MMP2: variants seen among roughly 807,000 people sequenced by gnomAD.
MMP2 encodes 72 kDa type IV collagenase.
MMP2 carries 39 observed loss-of-function variants against 74.8 expected under a neutral mutation model. The observed-to-expected ratio is 0.52, with a 90% confidence interval of 0.40 to 0.68. The LOEUF (loss-of-function observed/expected upper bound fraction) is 0.68. Among genes scored for constraint, MMP2 ranks in the 30% least tolerant of loss-of-function variants. MMP2 has a pLI of 0.00. For synonymous variants in MMP2, 367 were observed against 339.8 expected, an observed-to-expected ratio of 1.08 and a Z score of -0.88; for missense variants, 803 against 878.3, an observed-to-expected ratio of 0.91 and a Z score of 1.08.
rs139510259 is a variant in MMP2 at position 55,485,069 on chromosome 16, G to A, written c.530-230G>A. Among the ~76,000 whole-genome samples the A allele has an allele frequency of 3.8e-3, 581 of 152,184 alleles. 4 individuals are homozygous for A. The highest frequency in any genetic ancestry group is 0.013 in the African/African-American group (533 of 41,508). On this transcript the variant is annotated intron_variant, in intron 3 of 12. Transcript: ENST00000219070. ...GTAGACAATGGAGGTAGAGGGTATG[G>A]ATACTGGGAGTCATGTAAACCTGGG...
Position 55,479,493 on chromosome 16 carries a change from T to G in MMP2, c.14T>G (p.Met5Arg), listed in dbSNP as rs1410065836. MEAL[M>R]ARGALTGPLR... ...GGGAGCGCTACGATGGAGGCGCTAA[T>G]GGCCCGGGGCGCGCTCACGGGTCCC... Residue 5 changes from methionine (M) to arginine (R), a missense_variant, in exon 1 of 13, where the codon ATG (methionine) becomes AGG (arginine). Met to Arg is a moderately conservative substitution (Grantham distance 91). This residue lies in a region of MMP2 where 223 missense variants were observed against 232.8 expected (regional missense o/e 0.96). Coordinates refer to ENST00000219070, the MANE Select transcript of MMP2 (RefSeq NM_004530.6). The G allele has an allele frequency of 1.3e-6, 2 of 1,583,258 alleles. No individual in the cohort carries two copies. The highest frequency in any genetic ancestry group is 1.8e-5 in the Admixed American group (1 of 56,092).
rs57608135 is a variant in MMP2 at position 55,486,347 on chromosome 16, C to CTGTGTGTGTGTGTGTG, written c.832+598_832+613dup. Among the ~76,000 whole-genome samples the CTGTGTGTGTGTGTGTG allele has an allele frequency of 2.0e-3, 277 of 137,784 alleles. 3 individuals are homozygous for CTGTGTGTGTGTGTGTG. Among genetic ancestry groups the CTGTGTGTGTGTGTGTG allele is most frequent in the African/African-American group, 5.9e-3 (211 of 35,984 alleles). 90.4% of individuals were successfully genotyped at this position (137,784 alleles called of 152,430 possible). A position where few individuals can be genotyped will look rare whatever the true frequency, so the allele number is the denominator to read the frequency against. On this transcript the variant is annotated intron_variant, in intron 5 of 12. Coordinates refer to ENST00000219070, the MANE Select transcript of MMP2 (RefSeq NM_004530.6). Reference sequence around the variant, plus strand: ...CGTGTGTGTGTGTGTGTGTGTGTGCCTGTGTGTGTGTGTGTGTGTGTGTGT... The same window carrying CTGTGTGTGTGTGTGTG: ...CGTGTGTGTGTGTGTGTGTGTGTGCCTGTGTGTGTGTGTGTGTGTGTGTGTGTGTGTGTGTGTGTGT...
At position 55,506,415 on chromosome 16, in the gene MMP2, T is replaced by A. The variant is rs1452255315; in HGVS notation, c.*973T>A. ...GAACCTCAGGGAGAGTAAGCTCTAG[T>A]CCCTCTGTCCTGTAGAAAGAGCCCT... is the stretch of plus-strand genomic sequence containing the variant. On this transcript the variant is annotated 3_prime_UTR_variant, in exon 13 of 13. Coordinates refer to ENST00000219070, the MANE Select transcript of MMP2 (RefSeq NM_004530.6). The A allele has an allele frequency of 6.6e-6, 1 of 152,178 alleles. No homozygotes were observed. The highest frequency in any genetic ancestry group is 1.5e-5 in the Non-Finnish European group (1 of 68,032). The allele number at this position is 152,178 out of a possible 1,614,324, so 9.4% of individuals were successfully genotyped here.
intron 7 of MMP2, among the ~76,000 whole-genome samples, chr16:55,490,275 GA>G (rs1248058200): frequency 6.6e-6 from 1 of 152,072 alleles, no homozygotes; most frequent in East Asian, 1.9e-4. Flanking sequence ...TAGAAGAAAG[GA>G]AAAAAGGAAG....
chr16:55,504,797 C>T (rs563243614), intron 12 of MMP2, among the ~76,000 whole-genome samples: 12 of 151,868 alleles, frequency 7.9e-5, no homozygotes, highest in South Asian at 2.1e-4. Context: ...GGACTACAGG[C>T]GCCTACCACC....
chr16:55,499,134 A>T (rs1189255085), intron 11 of MMP2, among the ~76,000 whole-genome samples: 1 of 147,588 alleles, frequency 6.8e-6, no homozygotes, highest in African/African-American at 2.5e-5. Flanking sequence ...ATGCCACTGC[A>T]CTCCAGCCTG....
chr16:55,495,464 G>C (rs566362680), intron 9 of MMP2, among the ~76,000 whole-genome samples: 3 of 152,230 alleles, frequency 2.0e-5, no homozygotes, highest in African/African-American at 7.2e-5. Context: ...CTAGGCACTG[G>C]TGAGGGTGGG....
In MMP2 at chr16:55,493,386, G is replaced by A. The variant is rs243843; in HGVS notation, c.1472+93G>A. ...TCCCTCACTCTTCGCTGAAGACTCC[G>A]CCAAATGCTTCCCAGAATGACCTGA... On this transcript the variant is annotated intron_variant, in intron 9 of 12. Coordinates refer to ENST00000219070, the MANE Select transcript of MMP2 (RefSeq NM_004530.6). 1,231,355 of 1,539,194 alleles carry A rather than the reference G, an allele frequency of 0.8. 497,302 individuals carry two copies. Among genetic ancestry groups the A allele is most frequent in the Non-Finnish European group, 0.83 (929,944 of 1,118,394 alleles).
intron 11 of MMP2, among the ~76,000 whole-genome samples, chr16:55,500,491 G>GCACACACA (rs1390341238): frequency 1.6e-4 from 8 of 49,298 alleles, no homozygotes; most frequent in South Asian, 7.7e-4. Flanking sequence ...GCGCATGTGC[G>GCACACACA]CATACACACA....
intron 8 of MMP2, among the ~76,000 whole-genome samples, chr16:55,492,794 C>T (rs184358331): frequency 3.8e-4 from 58 of 152,272 alleles, no homozygotes; most frequent in African/African-American, 1.4e-3. Flanking sequence ...CAGCGGCCCC[C>T]TGACCGCCCT....
Position 55,483,990 on chromosome 16 carries a change from C to G in MMP2, c.381-26C>G, listed in dbSNP as rs571387124. 46 of 1,612,842 alleles carry G rather than the reference C, an allele frequency of 2.9e-5. No homozygotes were observed. The Admixed American group carries it at 5.0e-4, about 18-fold the overall frequency. ...ATACACTTATGCACATGCATACACA[C>G]TCACATGCAGTTCTACCACCTCCAG... is the stretch of plus-strand genomic sequence containing the variant. On this transcript the variant is annotated intron_variant, in intron 2 of 12. Coordinates refer to ENST00000219070, the MANE Select transcript of MMP2 (RefSeq NM_004530.6).
intron 11 of MMP2, among the ~76,000 whole-genome samples, chr16:55,501,159 C>T (rs1403407721): frequency 6.6e-6 from 1 of 152,236 alleles, no homozygotes; most frequent in Non-Finnish European, 1.5e-5. Flanking sequence ...ATACTGTTAG[C>T]TCCTTTTCCC....
At chr16:55,485,929 A>G (rs576737238) in intron 5 of MMP2, 152 bp downstream of exon 5, 1 of 753,040 alleles carries the variant, frequency 1.3e-6, no homozygotes, top group East Asian at 2.6e-5. Flanking sequence ...GTTCCCCCCC[A>G]TCCTGATCTG....
At chr16:55,504,713 C>T (rs1193336586) in intron 12 of MMP2, among the ~76,000 whole-genome samples, 1 of 148,996 alleles carries the variant, frequency 6.7e-6, no homozygotes, top group Non-Finnish European at 1.5e-5. Context: ...AGTGCAGTGG[C>T]GCGATCTTGG....
chr16:55,489,527 G>C, intron 6 of MMP2, 124 bp from the exon 7 acceptor site: 1 of 1,212,464 alleles, frequency 8.2e-7, no homozygotes, highest in Non-Finnish European at 1.2e-6. Context: ...TGAGTCTAAA[G>C]ATACAGTGCC....
At position 55,491,916 on chromosome 16, in the gene MMP2, T is replaced by A. The variant is rs1025641961; in HGVS notation, c.1296T>A (p.Arg432=). 1.2e-6 allele frequency: 2 copies of A among 1,612,596 alleles called. No homozygotes were observed. The highest frequency in any genetic ancestry group is 2.2e-5 in the South Asian group (2 of 91,050). The change falls in exon 8 of 13, where the codon CGT becomes CGA. Residue 432 remains arginine, a synonymous_variant. Transcript: ENST00000219070. ...TTTACACCTACACCAAGAACTTCCG[T>A]CTGTCCCAGGATGACATCAAGGGCA... ...APIYTYTKNF[R]LSQDDIKGIQ...
At chr16:55,486,338 T>TGTGTGCGC (rs1480535990) in intron 5 of MMP2, among the ~76,000 whole-genome samples, 3 of 104,142 alleles carry the variant, frequency 2.9e-5, no homozygotes, top group Admixed American at 1.0e-4. Context: ...TGTGTGTGTG[T>TGTGTGCGC]GTGTGTGCCT....
intron 5 of MMP2, chr16:55,488,158 G>A (rs1269735499): frequency 4.2e-6 from 1 of 237,504 alleles, no homozygotes; most frequent in Non-Finnish European, 8.3e-6. Context: ...GATTCTCGTG[G>A]TCCTGCCTGC....
chr16:55,479,621 G>A lies in MMP2; in HGVS notation c.142G>A (p.Glu48Lys). The A allele has an allele frequency of 6.2e-7, 1 of 1,613,832 alleles. No homozygotes were observed. The highest frequency in any genetic ancestry group is 8.5e-7 in the Non-Finnish European group (1 of 1,180,004). Reference sequence around the variant, plus strand: ...CGATGTCGCCCCCAAAACGGACAAAGAGTTGGCAGTGGTGAGTTGCTGCGC... The same window carrying A: ...CGATGTCGCCCCCAAAACGGACAAAAAGTTGGCAGTGGTGAGTTGCTGCGC... Reference protein sequence around the residue: ...PGDVAPKTDKELAVQYLNTFY... With the variant: ...PGDVAPKTDKKLAVQYLNTFY... Residue 48 changes from glutamate (E) to lysine (K), a missense_variant, in exon 1 of 13, where the codon GAG becomes AAG. Glu to Lys is a moderately conservative substitution (Grantham distance 56). Around this residue, in one of 3 missense-constraint regions of MMP2, gnomAD observed 223 missense variants for 232.8 expected, o/e 0.96. Transcript: ENST00000219070.
Sources: gnomAD v4.1 joint callset for allele counts (sites outside exome capture counted in the v4.1 genomes callset) on GRCh38, gnomAD v4.1.1 for gene constraint, gnomAD v4.1.1 regional missense constraint, MANE v1.5 for transcripts, NCBI Gene and HGNC (gene_info 2026-07-23, HGNC 2026-07-21) for gene names.